NDST1: variants seen among roughly 807,000 people sequenced by gnomAD.
NDST1 encodes the protein N-deacetylase and N-sulfotransferase 1.
A neutral mutation model predicts 92.8 loss-of-function variants in NDST1; 35 were observed. The ratio of observed to expected loss-of-function variants is 0.38; its 90% CI spans 0.29 to 0.50. The LOEUF (loss-of-function observed/expected upper bound fraction) is 0.50. Among genes scored for constraint, NDST1 ranks in the 20% least tolerant of loss-of-function variants. The probability of loss-of-function intolerance (pLI) is 0.94; values close to 1 mark genes in which losing one functional copy is unlikely to be tolerated. For missense variants in NDST1, 822 were observed against 1,182.7 expected (o/e 0.69, Z 4.47); for synonymous variants, 493 against 500.3 (o/e 0.99, Z 0.19).
At chr5:150,522,603 T>G (rs1239361590) in intron 2 of NDST1, among the ~76,000 whole-genome samples, 1 of 152,138 alleles carries the variant, frequency 6.6e-6, no homozygotes, top group Non-Finnish European at 1.5e-5. Flanking sequence ...GCACTCACAG[T>G]GTTTGTGGTC....
At position 150,528,253 on chromosome 5, in the gene NDST1, C is replaced by A; in HGVS notation, c.963C>A (p.Ile321=). Residue 321 remains isoleucine, a synonymous_variant, in exon 3 of 15, where the codon ATC becomes ATA. Transcript: ENST00000261797. The part of the protein sequence containing the change: ...DRYILVDIDD[I]FVGKEGTRMK... ...ACATCCTGGTGGACATTGATGACAT[C>A]TTCGTGGGCAAGGAGGGCACACGCA... 2 of 1,609,036 alleles carry A rather than the reference C, an allele frequency of 1.2e-6. No individual in the cohort carries two copies. The highest frequency in any genetic ancestry group is 1.7e-6 in the Non-Finnish European group (2 of 1,175,716).
chr5:150,542,556 G>A (rs753142400), intron 9 of NDST1, among the ~76,000 whole-genome samples: 2 of 152,204 alleles, frequency 1.3e-5, no homozygotes, highest in Non-Finnish European at 2.9e-5. Flanking sequence ...CTACCAGAGT[G>A]CAGTGGTGAG....
intron 1 of NDST1, among the ~76,000 whole-genome samples, chr5:150,514,852 A>G (rs930309911): frequency 1.3e-5 from 2 of 152,230 alleles, no homozygotes; most frequent in Non-Finnish European, 2.9e-5. Context: ...TGAGTATTCA[A>G]TAAGGACCTG....
intron 1 of NDST1, among the ~76,000 whole-genome samples, chr5:150,520,086 G>A (rs910020047): frequency 6.6e-6 from 1 of 152,132 alleles, no homozygotes; most frequent in African/African-American, 2.4e-5. Flanking sequence ...CGTACCCCGA[G>A]GATGAGAGAT....
intron 4 of NDST1, among the ~76,000 whole-genome samples, chr5:150,533,916 C>T (rs1012669327): frequency 3.3e-5 from 5 of 151,656 alleles, no homozygotes; most frequent in African/African-American, 9.7e-5. Flanking sequence ...AACCCCATCT[C>T]TACAAAAAAT....
At chr5:150,539,439 C>T (rs763803632) in intron 7 of NDST1, 83 bp downstream of exon 7, 18 of 1,607,784 alleles carry the variant, frequency 1.1e-5, no homozygotes, top group Non-Finnish European at 1.4e-5. Context: ...TTCCTGGAGC[C>T]AGGAAAGGGT....
intron 1 of NDST1, chr5:150,518,685 A>G (rs115664158): frequency 6.6e-6 from 1 of 152,344 alleles, no homozygotes; most frequent in African/African-American, 2.4e-5. Flanking sequence ...GACTTTGACA[A>G]TACATACGGT....
intron 2 of NDST1, among the ~76,000 whole-genome samples, chr5:150,524,160 T>C (rs550491913): frequency 6.6e-6 from 1 of 152,272 alleles, no homozygotes; most frequent in South Asian, 2.1e-4. Flanking sequence ...GTGACTTGGG[T>C]AAAATGCTCA....
chr5:150,515,050 C>T (rs990706644), intron 1 of NDST1, among the ~76,000 whole-genome samples: 3 of 152,200 alleles, frequency 2.0e-5, no homozygotes, highest in Non-Finnish European at 4.4e-5. Context: ...CTGCAGGCTA[C>T]AGGAGGTAGA....
intron 11 of NDST1, among the ~76,000 whole-genome samples, chr5:150,546,441 A>C (rs944107159): frequency 4.6e-5 from 7 of 152,344 alleles, no homozygotes; most frequent in Admixed American, 3.9e-4. Flanking sequence ...ATTATGCCAC[A>C]CAGCCAAGCA....
Position 150,541,733 on chromosome 5 carries a change from A to G in NDST1, c.1846+67A>G, listed in dbSNP as rs578016539. On this transcript the variant is annotated intron_variant, in intron 9 of 14. Transcript: ENST00000261797. Reference sequence around the variant, plus strand: ...CTGTCTCAGCCACAGAATTCTGAGGACTGCCTTGCCCTGGCCCCACTCCCG... The same window carrying G: ...CTGTCTCAGCCACAGAATTCTGAGGGCTGCCTTGCCCTGGCCCCACTCCCG... The G allele has an allele frequency of 6.2e-6, 9 of 1,457,754 alleles. No individual in the cohort carries two copies. In the South Asian group the frequency reaches 9.3e-5, roughly 15 times the overall value. The allele number at this position is 1,457,754 out of a possible 1,614,324, so 90.3% of individuals were successfully genotyped here. A position where few individuals can be genotyped will look rare whatever the true frequency, so the allele number is the denominator to read the frequency against.
intron 2 of NDST1, among the ~76,000 whole-genome samples, chr5:150,526,328 G>T (rs780849864): frequency 5.9e-5 from 9 of 152,084 alleles, no homozygotes; most frequent in Non-Finnish European, 1.3e-4. Flanking sequence ...TGATTTTAAG[G>T]TTCATGAGAG....
At chr5:150,506,057 A>G (rs993160207), upstream of NDST1, among the ~76,000 whole-genome samples, 1 of 152,184 alleles carries the variant, frequency 6.6e-6, no homozygotes, top group Non-Finnish European at 1.5e-5. Flanking sequence ...CAAGTGAGGC[A>G]TCTAAGTGCA....
intron 1 of NDST1, 70 bp from the exon 2 acceptor site, chr5:150,520,798 C>T (rs555751055): frequency 6.7e-5 from 27 of 403,776 alleles, no homozygotes; most frequent in Middle Eastern, 6.3e-4. Context: ...AGGTCAGCTC[C>T]TGTGTGTCCA....
At chr5:150,543,025 C>T in intron 10 of NDST1, 54 bp downstream of exon 10, 26 of 1,611,126 alleles carry the variant, frequency 1.6e-5, no homozygotes, top group East Asian at 2.2e-5. Flanking sequence ...TGGGGCCTCC[C>T]AGGAGTCTGC....
At chr5:150,514,361 G>A (rs1753859528) in intron 1 of NDST1, among the ~76,000 whole-genome samples, 1 of 152,212 alleles carries the variant, frequency 6.6e-6, no homozygotes, top group Admixed American at 6.5e-5. Context: ...TCGGAGGTCA[G>A]GAGTTCAAGA....
At chr5:150,536,846 G>C (rs1311582815) in intron 6 of NDST1, among the ~76,000 whole-genome samples, 1 of 152,228 alleles carries the variant, frequency 6.6e-6, no homozygotes, top group Admixed American at 6.5e-5. Context: ...AATTACAGGC[G>C]TGAGCCACTG....
intron 1 of NDST1, among the ~76,000 whole-genome samples, chr5:150,513,018 C>T (rs1204199674): frequency 6.6e-6 from 1 of 152,088 alleles, no homozygotes; most frequent in Non-Finnish European, 1.5e-5. Flanking sequence ...GCCTAGGCAA[C>T]ATAGGGATAC....
chr5:150,532,560 C>T lies in NDST1; in HGVS notation c.1009-385C>T, dbSNP rs1754791878. Among the ~76,000 whole-genome samples the T allele has an allele frequency of 5.9e-5, 9 of 152,154 alleles. No homozygotes were observed. In the South Asian group the frequency reaches 1.9e-3, roughly 32 times the overall value. Reference sequence around the variant, plus strand: ...TGAGACGGAATCTCGCTCTGTCACCCAGGCTGGAGTGATCTTGGCTCCAGT... The same window carrying T: ...TGAGACGGAATCTCGCTCTGTCACCTAGGCTGGAGTGATCTTGGCTCCAGT... On this transcript the variant is annotated intron_variant, in intron 3 of 14. Coordinates refer to ENST00000261797, the MANE Select transcript of NDST1 (RefSeq NM_001543.5).
Sources: allele counts gnomAD v4.1 joint callset (sites outside exome capture counted in the v4.1 genomes callset), GRCh38; gene constraint gnomAD v4.1.1; transcripts MANE v1.5; gene names NCBI Gene and HGNC (gene_info 2026-07-23, HGNC 2026-07-21).